Variants in GPM6A observed in about 807,000 individuals in gnomAD.
GPM6A encodes the protein neuronal membrane glycoprotein M6-a.
A neutral mutation model predicts 32.1 loss-of-function variants in GPM6A; 7 were observed. That is an observed-to-expected ratio of 0.22 (90% CI 0.12 to 0.41). The LOEUF (loss-of-function observed/expected upper bound fraction) is 0.41. Among genes scored for constraint, GPM6A ranks in the 10% least tolerant of loss-of-function variants. The pLI, the probability that GPM6A is intolerant of heterozygous loss-of-function variation, is 1.00. For missense variants in GPM6A, 235 were observed against 347.2 expected (o/e 0.68, Z 2.57); for synonymous variants, 130 against 123.4 (o/e 1.05, Z -0.35).
chr4:175,865,083 T>C (rs530977170), intron 1 of GPM6A, among the ~76,000 whole-genome samples: 137 of 152,350 alleles, frequency 9.0e-4, no homozygotes, highest in Non-Finnish European at 1.5e-3. Flanking sequence ...AGTGCTGGGA[T>C]TACAGGCGTG....
chr4:175,658,416 G>T (rs189525366), intron 3 of GPM6A, among the ~76,000 whole-genome samples: 1 of 148,462 alleles, frequency 6.7e-6, no homozygotes, highest in East Asian at 1.9e-4. Context: ...GCCAAGTGTA[G>T]GGGGGGTGAG....
intron 1 of GPM6A, among the ~76,000 whole-genome samples, chr4:175,936,698 A>G (rs1037315494): frequency 2.0e-5 from 3 of 150,728 alleles, no homozygotes; most frequent in Non-Finnish European, 2.9e-5. Flanking sequence ...AAAATTGAAG[A>G]AAAAAAACCC....
intron 3 of GPM6A, among the ~76,000 whole-genome samples, chr4:175,662,099 G>A (rs1742454424): frequency 6.6e-6 from 1 of 151,848 alleles, no homozygotes; most frequent in Non-Finnish European, 1.5e-5. Flanking sequence ...AACAATGACA[G>A]GCATATTTAA....
At chr4:175,771,640 T>A (rs1346213114) in intron 1 of GPM6A, among the ~76,000 whole-genome samples, 2 of 152,166 alleles carry the variant, frequency 1.3e-5, no homozygotes, top group African/African-American at 4.8e-5. Flanking sequence ...AAAATCCAGT[T>A]AAGATCCAAA....
At chr4:175,843,360 G>A (rs765673683) in intron 1 of GPM6A, among the ~76,000 whole-genome samples, 2 of 152,118 alleles carry the variant, frequency 1.3e-5, no homozygotes, top group African/African-American at 4.8e-5. Context: ...TAAGCTAAAT[G>A]TAAATCTACT....
intron 4 of GPM6A, among the ~76,000 whole-genome samples, chr4:175,651,593 T>C (rs969067114): frequency 4.6e-5 from 7 of 152,182 alleles, no homozygotes; most frequent in African/African-American, 1.7e-4. Context: ...TCAGGTAATG[T>C]GATCTGACAT....
chr4:175,984,877 T>C (rs1217687652), intron 1 of GPM6A, among the ~76,000 whole-genome samples: 1 of 152,164 alleles, frequency 6.6e-6, no homozygotes, highest in Non-Finnish European at 1.5e-5. Flanking sequence ...TAGGCCTACA[T>C]TGATTAGTAA....
At chr4:175,928,575 T>C (rs1226034501) in intron 1 of GPM6A, among the ~76,000 whole-genome samples, 2 of 152,126 alleles carry the variant, frequency 1.3e-5, no homozygotes, top group Admixed American at 1.3e-4. Flanking sequence ...GAGGAGTGTA[T>C]TGCAGAGTCA....
intron 2 of GPM6A, among the ~76,000 whole-genome samples, chr4:175,687,262 G>T (rs1421560104): frequency 1.3e-5 from 2 of 152,140 alleles, no homozygotes; most frequent in Non-Finnish European, 2.9e-5. Context: ...ACGTGGTATA[G>T]CAGATCATTC....
intron 4 of GPM6A, among the ~76,000 whole-genome samples, chr4:175,648,829 T>C (rs1741620840): frequency 6.6e-6 from 1 of 152,214 alleles, no homozygotes; most frequent in African/African-American, 2.4e-5. Flanking sequence ...TGAAGGATCC[T>C]TGTGATTACA....
chr4:175,826,334 CGTGT>C (rs142364470), intron 1 of GPM6A, among the ~76,000 whole-genome samples: 1 of 149,752 alleles, frequency 6.7e-6, no homozygotes, highest in Non-Finnish European at 1.5e-5. Flanking sequence ...GTGGCGTACA[CGTGT>C]GTGTGTGTGT....
At chr4:175,787,693 T>A (rs1162771905) in intron 1 of GPM6A, 2 of 841,714 alleles carry the variant, frequency 2.4e-6, no homozygotes, top group Non-Finnish European at 1.5e-6. Context: ...TAATTTTCTT[T>A]GAAAAATCTG....
At chr4:175,733,475 C>T (rs112455661) in intron 1 of GPM6A, among the ~76,000 whole-genome samples, 5,268 of 152,232 alleles carry the variant, frequency 0.035, 152 homozygotes, top group South Asian at 0.11. Flanking sequence ...TGCACTACAG[C>T]CTAGGTGACA....
chr4:175,712,024 C>T (rs1178234558), intron 1 of GPM6A, among the ~76,000 whole-genome samples: 1 of 148,200 alleles, frequency 6.7e-6, no homozygotes, highest in African/African-American at 2.4e-5. Flanking sequence ...AGTTTAAAGA[C>T]ACACACACAC....
chr4:175,953,022 C>G (rs1739866417), intron 1 of GPM6A, among the ~76,000 whole-genome samples: 1 of 102,802 alleles, frequency 9.7e-6, no homozygotes, highest in Non-Finnish European at 2.5e-5. Context: ...AGAACAAGAC[C>G]CTGTTTTTAA....
At chr4:175,889,691 T>TA (rs1352402030) in intron 1 of GPM6A, among the ~76,000 whole-genome samples, 2 of 152,036 alleles carry the variant, frequency 1.3e-5, no homozygotes, top group Non-Finnish European at 2.9e-5. Flanking sequence ...CGGACGCCTG[T>TA]AGTCCCAGCT....
At chr4:175,978,965 C>CAAAAAAAA (rs761305638) in intron 1 of GPM6A, among the ~76,000 whole-genome samples, 1 of 125,370 alleles carries the variant, frequency 8.0e-6, no homozygotes, top group Non-Finnish European at 1.7e-5. Flanking sequence ...CCATTTAAAG[C>CAAAAAAAA]AAAAAAAAAA....
At chr4:175,941,406 A>G (rs547033007) in intron 1 of GPM6A, among the ~76,000 whole-genome samples, 3 of 151,174 alleles carry the variant, frequency 2.0e-5, no homozygotes, top group East Asian at 3.9e-4. Context: ...TAAAAAAATT[A>G]TACTTTAAGT....
chr4:175,824,648 C>T (rs1012834134), intron 1 of GPM6A, among the ~76,000 whole-genome samples: 1 of 152,140 alleles, frequency 6.6e-6, no homozygotes, highest in African/African-American at 2.4e-5. Flanking sequence ...GTGAGACTGA[C>T]GTTGAACCTA....
Sources: gnomAD v4.1 joint callset for allele counts (sites outside exome capture counted in the v4.1 genomes callset) on GRCh38, gnomAD v4.1.1 for gene constraint, MANE v1.5 for transcripts, NCBI Gene and HGNC (gene_info 2026-07-23, HGNC 2026-07-21) for gene names.